HCRTR2: variants seen among roughly 807,000 people sequenced by gnomAD.
The protein encoded by HCRTR2 is hypocretin receptor 2.
In HCRTR2, 22 loss-of-function variants were observed where a neutral mutation model predicts 49.0. The ratio of observed to expected loss-of-function variants is 0.45; its 90% CI spans 0.32 to 0.64. The LOEUF is 0.64. Ranked by LOEUF, HCRTR2 falls within the 30% of genes least tolerant of loss-of-function variation. The pLI is 0.04. For synonymous variants in HCRTR2, 236 were observed against 205.3 expected, an observed-to-expected ratio of 1.15 and a Z score of -1.28; for missense variants, 491 against 559.4, an observed-to-expected ratio of 0.88 and a Z score of 1.23.
chr6:55,246,639 G>A (rs565084846), intron 1 of HCRTR2, among the ~76,000 whole-genome samples: 2 of 152,000 alleles, frequency 1.3e-5, no homozygotes, highest in East Asian at 1.9e-4. Context: ...ATATAGCTTG[G>A]TGGATAACAC....
chr6:55,130,901 A>G (rs1764347026), intron 1 of HCRTR2, among the ~76,000 whole-genome samples: 2 of 151,886 alleles, frequency 1.3e-5, no homozygotes, highest in East Asian at 3.8e-4. Flanking sequence ...TTCATGTACA[A>G]AATAAAGATT....
chr6:55,177,952 G>A (rs1165813069), intron 1 of HCRTR2, among the ~76,000 whole-genome samples: 3 of 152,128 alleles, frequency 2.0e-5, no homozygotes, highest in Admixed American at 6.6e-5. Context: ...CATAGGGTAA[G>A]GTTCTTTTTG....
At chr6:55,131,043 A>G (rs1376237742) in intron 1 of HCRTR2, among the ~76,000 whole-genome samples, 2 of 151,832 alleles carry the variant, frequency 1.3e-5, no homozygotes, top group African/African-American at 4.8e-5. Flanking sequence ...TGATTCAGTA[A>G]GAGTGAGGTT....
At chr6:55,166,670 A>G (rs1156375487) in intron 1 of HCRTR2, among the ~76,000 whole-genome samples, 1 of 152,146 alleles carries the variant, frequency 6.6e-6, no homozygotes, top group East Asian at 1.9e-4. Flanking sequence ...TTCAACATAG[A>G]GTTACTGTAT....
At chr6:55,263,911 T>G in intron 4 of HCRTR2, 89 bp downstream of exon 4, 1 of 815,794 alleles carries the variant, frequency 1.2e-6, no homozygotes, top group South Asian at 1.4e-5. Flanking sequence ...TCTGTGCTTT[T>G]TTTTTAGGAT....
intron 1 of HCRTR2, among the ~76,000 whole-genome samples, chr6:55,231,923 T>C (rs1402809230): frequency 6.6e-6 from 1 of 152,168 alleles, no homozygotes; most frequent in Non-Finnish European, 1.5e-5. Context: ...AGAAAACTCA[T>C]AATCTCCTCA....
At chr6:55,199,899 T>A (rs1765480959) in intron 1 of HCRTR2, among the ~76,000 whole-genome samples, 1 of 152,210 alleles carries the variant, frequency 6.6e-6, no homozygotes, top group Admixed American at 6.5e-5. Context: ...ATTCACTGCA[T>A]ACTATCAATG....
intron 1 of HCRTR2, among the ~76,000 whole-genome samples, chr6:55,132,922 C>T (rs1764379661): frequency 6.6e-6 from 1 of 151,820 alleles, no homozygotes; most frequent in South Asian, 2.1e-4. Context: ...ATGACCACAG[C>T]TTTTAAGTTA....
intron 1 of HCRTR2, among the ~76,000 whole-genome samples, chr6:55,125,639 C>G (rs1764263483): frequency 6.6e-6 from 1 of 152,018 alleles, no homozygotes; most frequent in South Asian, 2.1e-4. Context: ...GTCTGTATTT[C>G]CTAAATTTGA....
chr6:55,127,734 A>G (rs948026884), intron 1 of HCRTR2, among the ~76,000 whole-genome samples: 1 of 152,102 alleles, frequency 6.6e-6, no homozygotes. Flanking sequence ...TGCATTATAG[A>G]TCTCTGGGGT....
At chr6:55,119,622 G>T (rs796592633) in intron 1 of HCRTR2, among the ~76,000 whole-genome samples, 6 of 140,256 alleles carry the variant, frequency 4.3e-5, no homozygotes, top group African/African-American at 8.2e-5. Flanking sequence ...CATTTTTGAT[G>T]TTTTTTTTTT....
rs373383753 is a variant in HCRTR2 at position 55,197,914 on chromosome 6, C to T, written c.223+23104C>T. Among the ~76,000 whole-genome samples, 480 of 152,252 alleles carry T rather than the reference C, an allele frequency of 3.2e-3. 1 individual carries two copies. The highest frequency in any genetic ancestry group is 0.011 in the African/African-American group (461 of 41,554). ...GGGATTACAGGCATGAGCCACCACGCCCAGCCGACCCTTTCTCTTAACCTA... is the reference window on the plus strand; with the variant it reads ...GGGATTACAGGCATGAGCCACCACGTCCAGCCGACCCTTTCTCTTAACCTA... On this transcript the variant is annotated intron_variant, in intron 1 of 6. Transcript: ENST00000370862.
At chr6:55,133,094 T>A (rs1172906445) in intron 1 of HCRTR2, among the ~76,000 whole-genome samples, 1 of 151,884 alleles carries the variant, frequency 6.6e-6, no homozygotes, top group Non-Finnish European at 1.5e-5. Flanking sequence ...ATAACAAGGT[T>A]GATTTAATCG....
At position 55,281,784 on chromosome 6, in the gene HCRTR2, A is replaced by AT. The variant is rs1481536423; in HGVS notation, c.1106-439dup. Among the ~76,000 whole-genome samples the AT allele has an allele frequency of 2.6e-5, 4 of 152,208 alleles. No individual in the cohort carries two copies. In the Middle Eastern group the frequency reaches 0.01, roughly 391 times the overall value. On this transcript the variant is annotated intron_variant, in intron 6 of 6. Coordinates refer to ENST00000370862, the MANE Select transcript of HCRTR2 (RefSeq NM_001384272.1). ...TGTTTCTAGGTATTTTGTGGATTTA[A>AT]TTGTTTCAGTATCAGTTATTTAGAG...
At chr6:55,151,664 C>A (rs145207884) in intron 1 of HCRTR2, among the ~76,000 whole-genome samples, 1 of 151,922 alleles carries the variant, frequency 6.6e-6, no homozygotes, top group African/African-American at 2.4e-5. Context: ...TTTCCACCCA[C>A]GAATCACAAA....
intron 1 of HCRTR2, among the ~76,000 whole-genome samples, chr6:55,233,705 C>CAAATAAATAAAT (rs149411463): frequency 0.18 from 27,401 of 151,678 alleles, 2,858 homozygotes; most frequent in Non-Finnish European, 0.24. Context: ...TAAAGAATAA[C>CAAATAAATAAAT]AAATAAATAA....
intron 1 of HCRTR2, among the ~76,000 whole-genome samples, chr6:55,214,219 A>C (rs980031849): frequency 1.3e-5 from 2 of 151,950 alleles, no homozygotes; most frequent in African/African-American, 4.8e-5. Flanking sequence ...AGATAAGATG[A>C]ATTTGCAAAA....
rs747671968 is a variant in HCRTR2 at position 55,277,565 on chromosome 6, C to A, written c.948C>A (p.Cys316Ter). The A allele has an allele frequency of 6.2e-7, 1 of 1,613,768 alleles. No homozygotes were observed. Among genetic ancestry groups the A allele is most frequent in the Non-Finnish European group, 8.5e-7 (1 of 1,179,776 alleles). Residue 316 changes from cysteine (C) to a stop codon, truncating the protein, a stop_gained, in exon 5 of 7, where the codon TGC becomes TGA. Transcript: ENST00000370862. LOFTEE classifies it high-confidence loss of function. ...TTGTGCTTTTGGTATTTGCAATTTG[C>A]TATCTACCAATTAGCATCCTCAATG... ...LMIVLLVFAI[C>*]YLPISILNVL...
At chr6:55,189,687 G>A (rs1765283810) in intron 1 of HCRTR2, among the ~76,000 whole-genome samples, 1 of 152,066 alleles carries the variant, frequency 6.6e-6, no homozygotes, top group African/African-American at 2.4e-5. Context: ...AAAGCATGTG[G>A]GACTTAATAC....
Sources: gnomAD v4.1 joint callset for allele counts (sites outside exome capture counted in the v4.1 genomes callset) on GRCh38, gnomAD v4.1.1 for gene constraint, MANE v1.5 for transcripts, NCBI Gene and HGNC (gene_info 2026-07-23, HGNC 2026-07-21) for gene names.